The following THSD4 variants were observed in gnomAD, a reference collection of about 807,000 sequenced individuals.
THSD4 encodes thrombospondin type 1 domain containing 4.
A neutral mutation model predicts 119.0 loss-of-function variants in THSD4; 69 were observed. That is an observed-to-expected ratio of 0.58 (90% CI 0.48 to 0.71). The LOEUF is 0.71. Among genes scored for constraint, THSD4 ranks in the 30% least tolerant of loss-of-function variants. THSD4 has a pLI of 0.00. For missense variants in THSD4, 1,393 were observed against 1,391.1 expected (o/e 1.00, Z -0.02); for synonymous variants, 524 against 540.4 (o/e 0.97, Z 0.42).
chr15:71,233,514 T>G (rs1248180382), intron 4 of THSD4, among the ~76,000 whole-genome samples: 3 of 152,212 alleles, frequency 2.0e-5, no homozygotes, highest in Non-Finnish European at 4.4e-5. Flanking sequence ...GCATGTTTAG[T>G]GTCCTCAGCT....
chr15:71,486,319 T>C (rs946303524), intron 7 of THSD4, among the ~76,000 whole-genome samples: 2 of 152,192 alleles, frequency 1.3e-5, no homozygotes, highest in African/African-American at 4.8e-5. Flanking sequence ...CACTTCCAGT[T>C]CCACTTGTGG....
chr15:71,670,699 A>G (rs905416672), intron 8 of THSD4, among the ~76,000 whole-genome samples: 1 of 150,972 alleles, frequency 6.6e-6, no homozygotes, highest in Non-Finnish European at 1.5e-5. Flanking sequence ...CCTGTGTCCA[A>G]GTGTTCTCAT....
chr15:71,413,754 AGGAAACATCATG>A (rs2046720991), intron 7 of THSD4, among the ~76,000 whole-genome samples: 1 of 152,242 alleles, frequency 6.6e-6, no homozygotes, highest in African/African-American at 2.4e-5. Context: ...CAGAAGAGGC[AGGAAACATCATG>A]GGAAACATCA....
intron 7 of THSD4, among the ~76,000 whole-genome samples, chr15:71,447,890 C>A (rs887970240): frequency 6.6e-6 from 1 of 152,158 alleles, no homozygotes; most frequent in African/African-American, 2.4e-5. Context: ...TGAACACATC[C>A]TGGCTCTTCC....
intron 6 of THSD4, among the ~76,000 whole-genome samples, chr15:71,274,401 C>A (rs746439075): frequency 1.6e-5 from 1 of 62,636 alleles, no homozygotes; most frequent in Non-Finnish European, 3.8e-5. Context: ...TGTGTAGATC[C>A]CCTCTGATCC....
intron 5 of THSD4, among the ~76,000 whole-genome samples, chr15:71,246,635 T>C (rs1404257369): frequency 6.6e-6 from 1 of 152,234 alleles, no homozygotes; most frequent in Non-Finnish European, 1.5e-5. Context: ...TGGTGTGATC[T>C]AGGAATTTTA....
In THSD4 at chr15:71,602,553, CAAAAAAAAAAA is replaced by C. The variant is rs59370074; in HGVS notation, c.1153-57960_1153-57950del. Among the ~76,000 whole-genome samples the C allele has an allele frequency of 0.011, 601 of 53,916 alleles. 21 individuals are homozygous for C. The East Asian group carries it at 0.22, about 19-fold the overall frequency. 35.4% of individuals were successfully genotyped at this position (53,916 alleles called of 152,430 possible). A position where few individuals can be genotyped will look rare whatever the true frequency, so the allele number is the denominator to read the frequency against. On this transcript the variant is annotated intron_variant, in intron 7 of 17. Coordinates refer to ENST00000261862, the MANE Select transcript of THSD4 (RefSeq NM_024817.3). Reference sequence around the variant, plus strand: ...GGACAATAAGAGTGAAACTCTGTCTCAAAAAAAAAAAAAAAAAAAAAAAAAAATGAAAAAGA... The same window carrying C: ...GGACAATAAGAGTGAAACTCTGTCTCAAAAAAAAAAAAAAAATGAAAAAGA...
In THSD4 at chr15:71,710,052, C is replaced by T. The variant is rs563104279; in HGVS notation, c.1358-18497C>T. Among the ~76,000 whole-genome samples the T allele has an allele frequency of 8.5e-5, 13 of 152,306 alleles. No homozygotes were observed. The South Asian group carries it at 2.1e-3, about 24-fold the overall frequency. On this transcript the variant is annotated intron_variant, in intron 8 of 17. Coordinates refer to ENST00000261862, the MANE Select transcript of THSD4 (RefSeq NM_024817.3). ...TTGGTGATGATGAATTCAAGCCTTC[C>T]GCATAGAGGTAGACTAAGATAGATA...
Position 71,739,104 on chromosome 15 carries a change from A to G in THSD4, c.1906+1097A>G, listed in dbSNP as rs116427259. The stretch of plus-strand genomic sequence containing the variant: ...CTCAAATCTCAGGATTTCAGAAAAA[A>G]AAAAAAAAAACAAAACTTTGCAGGC... On this transcript the variant is annotated intron_variant, in intron 11 of 17. Coordinates refer to ENST00000261862, the MANE Select transcript of THSD4 (RefSeq NM_024817.3). Among the ~76,000 whole-genome samples, 851 of 151,618 alleles carry G rather than the reference A, an allele frequency of 5.6e-3. 8 individuals are homozygous for G. The highest frequency in any genetic ancestry group is 0.019 in the African/African-American group (788 of 41,472).
chr15:71,221,117 C>T (rs761046959), intron 4 of THSD4, among the ~76,000 whole-genome samples: 13 of 152,134 alleles, frequency 8.5e-5, no homozygotes, highest in Non-Finnish European at 1.9e-4. Flanking sequence ...ATTGTAGCAA[C>T]TCACACTTGT....
intron 4 of THSD4, among the ~76,000 whole-genome samples, chr15:71,218,860 C>T (rs2043954672): frequency 6.6e-6 from 1 of 152,158 alleles, no homozygotes; most frequent in African/African-American, 2.4e-5. Context: ...TCATTGGAGT[C>T]AGATAACAAA....
At chr15:71,472,208 C>T (rs1280585606) in intron 7 of THSD4, among the ~76,000 whole-genome samples, 4 of 152,146 alleles carry the variant, frequency 2.6e-5, no homozygotes, top group Non-Finnish European at 5.9e-5. Context: ...TGAGCCACTG[C>T]GCCTGGCCTA....
chr15:71,764,958 G>T (rs2053689343), intron 15 of THSD4, 62 bp from the exon 16 acceptor site: 1 of 1,554,604 alleles, frequency 6.4e-7, no homozygotes, highest in South Asian at 1.2e-5. Flanking sequence ...TCCCTTGATG[G>T]ACAGTAGCTG....
At chr15:71,588,805 G>C (rs2049741018) in intron 7 of THSD4, among the ~76,000 whole-genome samples, 1 of 152,168 alleles carries the variant, frequency 6.6e-6, no homozygotes, top group Non-Finnish European at 1.5e-5. Flanking sequence ...ACATGTGGGG[G>C]AGATAGGTAT....
At chr15:71,173,553 T>TAC (rs139875962) in intron 3 of THSD4, among the ~76,000 whole-genome samples, 11,608 of 117,390 alleles carry the variant, frequency 0.099, 784 homozygotes, top group East Asian at 0.43. Context: ...AAAATAGACC[T>TAC]ACACACACAC....
At chr15:71,201,456 C>A (rs549606514) in intron 3 of THSD4, among the ~76,000 whole-genome samples, 1 of 152,356 alleles carries the variant, frequency 6.6e-6, no homozygotes, top group South Asian at 2.1e-4. Flanking sequence ...AAAGTTACCT[C>A]CCATCTCTCC....
upstream of THSD4, among the ~76,000 whole-genome samples, chr15:71,112,586 A>G (rs948124401): frequency 1.3e-5 from 2 of 152,142 alleles, no homozygotes; most frequent in Non-Finnish European, 2.9e-5. Flanking sequence ...CAAAGGGGTG[A>G]CCCACCCTCC....
chr15:71,414,406 G>A (rs11072281), intron 7 of THSD4, among the ~76,000 whole-genome samples: 36,062 of 152,160 alleles, frequency 0.24, 4,798 homozygotes, highest in East Asian at 0.55. Flanking sequence ...AAACACTGGG[G>A]GATTGCAGAT....
intron 8 of THSD4, among the ~76,000 whole-genome samples, chr15:71,670,467 T>G (rs1409762238): frequency 6.7e-6 from 1 of 149,784 alleles, no homozygotes; most frequent in Admixed American, 6.7e-5. Context: ...CATTTTCTTT[T>G]TTTGTTTGTT....
Sources: allele counts gnomAD v4.1 joint callset (sites outside exome capture counted in the v4.1 genomes callset), GRCh38; gene constraint gnomAD v4.1.1; transcripts MANE v1.5; gene names NCBI Gene and HGNC (gene_info 2026-07-23, HGNC 2026-07-21).